MIS18BP1: variants seen among roughly 807,000 people sequenced by gnomAD.
The protein encoded by MIS18BP1 is MIS18 binding protein 1, also known as mis18-binding protein 1.
In MIS18BP1, 72 loss-of-function variants were observed where a neutral mutation model predicts 116.1. The ratio of observed to expected loss-of-function variants is 0.62; its 90% confidence interval spans 0.51 to 0.75. The LOEUF (loss-of-function observed/expected upper bound fraction) is 0.75, where lower values mean the gene tolerates loss of function less well. Ranked by LOEUF, MIS18BP1 falls within the 30% of genes least tolerant of loss-of-function variation. The probability of loss-of-function intolerance (pLI) is 0.00; values close to 1 mark genes in which losing one functional copy is unlikely to be tolerated. For missense variants in MIS18BP1, 1,363 were observed against 1,303.2 expected (o/e 1.05, Z -0.71); for synonymous variants, 386 against 427.0 (o/e 0.90, Z 1.18).
chr14:45,223,810 C>CT (rs571070164), intron 11 of MIS18BP1, 108 bp downstream of exon 11: 801 of 788,086 alleles, frequency 1.0e-3, no homozygotes, highest in Non-Finnish European at 1.2e-3. Context: ...TAATTTCTCC[C>CT]TTTTTTTTAA....
In MIS18BP1 at chr14:45,235,814, C is replaced by T; in HGVS notation, c.1348G>A (p.Gly450Arg). The change falls in exon 6 of 17, where the codon GGA (glycine) becomes AGA (arginine). Residue 450 changes from glycine to arginine, a missense_variant and splice_region_variant. Coordinates refer to ENST00000310806, the MANE Select transcript of MIS18BP1 (RefSeq NM_018353.5). ...MIDQISMKEA[G>R]YPNYLIRKFM... is the part of the protein sequence containing the mutation. ...CTTATCAATAATGACAGTCATTTACCTGCTTCTTTCATGGAAATTTGGTCT... is the reference window on the plus strand; with the variant it reads ...CTTATCAATAATGACAGTCATTTACTTGCTTCTTTCATGGAAATTTGGTCT... The T allele has an allele frequency of 6.3e-7, 1 of 1,593,528 alleles. No individual in the cohort carries two copies. Among genetic ancestry groups the T allele is most frequent in the Non-Finnish European group, 8.5e-7 (1 of 1,172,570 alleles).
chr14:45,252,526 C>CT (rs953405560), intron 1 of MIS18BP1, among the ~76,000 whole-genome samples: 8 of 152,162 alleles, frequency 5.3e-5, no homozygotes, highest in African/African-American at 1.9e-4. Context: ...TCTTGAACTC[C>CT]TGAGCTCAAA....
rs77328944 is a variant in MIS18BP1, at chr14:45,231,641, T to C, written c.1437-343A>G. 7.6e-3 allele frequency among the ~76,000 whole-genome samples: 1,152 copies of C among 152,370 alleles called. 12 individuals carry two copies. Among genetic ancestry groups the C allele is most frequent in the African/African-American group, 0.026 (1,075 of 41,594 alleles). Reference sequence around the variant, plus strand: ...GTTTATTAAAACACTGCCATGCTAATTCATGTATATATTATCTACGGCTGC... The same window carrying C: ...GTTTATTAAAACACTGCCATGCTAACTCATGTATATATTATCTACGGCTGC... On this transcript the variant is annotated intron_variant, in intron 7 of 16. Transcript: ENST00000310806.
rs1239057113 is a variant in MIS18BP1, at chr14:45,218,416, C to G, written c.2708G>C (p.Trp903Ser). The G allele has an allele frequency of 2.5e-6, 4 of 1,612,580 alleles. No homozygotes were observed. Among genetic ancestry groups the G allele is most frequent in the Non-Finnish European group, 3.4e-6 (4 of 1,179,692 alleles). ...ASLPKHKPGF[W>S]SEVAAAVGSR... ...ACCTACAGCCGCAGCTACCTCTGACCAGAAACCAGGTTTGTGCTTTGGAAG... is the reference window on the plus strand; with the variant it reads ...ACCTACAGCCGCAGCTACCTCTGACGAGAAACCAGGTTTGTGCTTTGGAAG... Residue 903 changes from tryptophan to serine, a missense_variant, in exon 12 of 17, where the codon TGG becomes TCG. Trp to Ser is a radical substitution (Grantham distance 177). Coordinates refer to ENST00000310806, the MANE Select transcript of MIS18BP1 (RefSeq NM_018353.5).
Position 45,221,461 on chromosome 14 carries a change from A to G in MIS18BP1, c.2669+2457T>C, listed in dbSNP as rs565802546. The stretch of plus-strand genomic sequence containing the variant: ...CAAAAATAAATAAATAAAATAAAAT[A>G]AAATAAAAGAATATTTTCTACTTTC... On this transcript the variant is annotated intron_variant, in intron 11 of 16. Coordinates refer to ENST00000310806, the MANE Select transcript of MIS18BP1 (RefSeq NM_018353.5). 5.3e-5 allele frequency among the ~76,000 whole-genome samples: 8 copies of G among 150,420 alleles called. No homozygotes were observed. In the South Asian group the frequency reaches 1.2e-3, roughly 23 times the overall value.
In MIS18BP1 at chr14:45,218,396, C is replaced by T. The variant is rs200009181; in HGVS notation, c.2728G>A (p.Val910Ile). 9.9e-6 allele frequency: 16 copies of T among 1,613,972 alleles called. No homozygotes were observed. Among genetic ancestry groups the T allele is most frequent in the Admixed American group, 1.7e-5 (1 of 59,952 alleles). ...CATTCTTCAGGAGATCGAGAACCTA[C>T]AGCCGCAGCTACCTCTGACCAGAAA... The part of the protein sequence containing the change: ...PGFWSEVAAA[V>I]GSRSPEECQR... The change falls in exon 12 of 17, where the codon GTA becomes ATA. Residue 910 changes from valine to isoleucine, a missense_variant. Physicochemically the swap from Val to Ile is conservative, Grantham distance 29. Transcript: ENST00000310806.
intron 13 of MIS18BP1, among the ~76,000 whole-genome samples, chr14:45,215,148 C>T (rs2139158497): frequency 6.6e-6 from 1 of 152,304 alleles, no homozygotes; most frequent in East Asian, 1.9e-4. Flanking sequence ...CCCTAGTGGA[C>T]CATAGCGTTT....
Position 45,242,334 on chromosome 14 carries a change from T to C in MIS18BP1, c.843A>G (p.Gln281=), listed in dbSNP as rs1184449940. ...ESVDSADEQF[Q]NTNAETLSTN... ...TACTGAGAGTCTCAGCATTAGTATT[T>C]TGAAATTGTTCATCAGCAGAATCAA... is the stretch of plus-strand genomic sequence containing the variant. Residue 281 remains glutamine (Q), a synonymous_variant, in exon 4 of 17, where the codon CAA becomes CAG. Coordinates refer to ENST00000310806, the MANE Select transcript of MIS18BP1 (RefSeq NM_018353.5). The C allele has an allele frequency of 6.2e-7, 1 of 1,613,932 alleles. No individual in the cohort carries two copies. Among genetic ancestry groups the C allele is most frequent in the Non-Finnish European group, 8.5e-7 (1 of 1,179,968 alleles).
At chr14:45,206,387 A>T in intron 14 of MIS18BP1, 1 of 425,318 alleles carries the variant, frequency 2.4e-6, no homozygotes, top group East Asian at 4.7e-5. Context: ...CCTGGGCTCA[A>T]GTGATCCTCC....
intron 8 of MIS18BP1, among the ~76,000 whole-genome samples, chr14:45,228,268 C>T (rs1395984872): frequency 9.2e-5 from 14 of 152,144 alleles, no homozygotes; most frequent in Admixed American, 9.2e-4. Context: ...CTGTATAGCG[C>T]TACGCTACAT....
intron 12 of MIS18BP1, 71 bp from the exon 13 acceptor site, chr14:45,217,250 C>A: frequency 6.6e-7 from 1 of 1,513,770 alleles, no homozygotes; most frequent in South Asian, 1.3e-5. Flanking sequence ...AGTTAACAAC[C>A]TTTGCAAAGT....
chr14:45,246,806 T>C lies in MIS18BP1; in HGVS notation c.481A>G (p.Thr161Ala). 9.4e-6 allele frequency: 15 copies of C among 1,592,552 alleles called. No individual in the cohort carries two copies. Among genetic ancestry groups the C allele is most frequent in the Non-Finnish European group, 1.2e-5 (14 of 1,174,672 alleles). Residue 161 changes from threonine to alanine, a missense_variant, in exon 2 of 17, where the codon ACC becomes GCC. Coordinates refer to ENST00000310806, the MANE Select transcript of MIS18BP1 (RefSeq NM_018353.5). ...NRVEKKKLQH[T>A]YLCEEKENNK... Reference sequence around the variant, plus strand: ...TTTTCCTTTTCTTCACATAGGTAGGTATGCTGCAATTTTTTTTTTTCAACT... The same window carrying C: ...TTTTCCTTTTCTTCACATAGGTAGGCATGCTGCAATTTTTTTTTTTCAACT...
At chr14:45,217,291 C>T (rs538259921) in intron 12 of MIS18BP1, 112 bp from the exon 13 acceptor site, 2 of 1,280,778 alleles carry the variant, frequency 1.6e-6, no homozygotes, top group Admixed American at 4.7e-5. Flanking sequence ...AAAAAAAAAC[C>T]AAAAAACTCA....
Position 45,218,463 on chromosome 14 carries a change from G to T in MIS18BP1, c.2670-9C>A. The T allele has an allele frequency of 1.3e-6, 2 of 1,580,984 alleles. No individual in the cohort carries two copies. On this transcript the variant is annotated splice_polypyrimidine_tract_variant and intron_variant, in intron 11 of 16. Transcript: ENST00000310806. The stretch of plus-strand genomic sequence containing the variant: ...GAAGAGATGCAAAAGCACTATGGAA[G>T]ATCAAAACCAATTAAAGAATAAGAA...
chr14:45,225,386 A>ATT (rs879808814), intron 10 of MIS18BP1, among the ~76,000 whole-genome samples: 6 of 148,360 alleles, frequency 4.0e-5, no homozygotes, highest in African/African-American at 1.5e-4. Flanking sequence ...GTATGGTTTG[A>ATT]TTTTTTTTTT....
Position 45,253,161 on chromosome 14 carries a change from G to T in MIS18BP1, c.-218C>A, listed in dbSNP as rs1035728808. The T allele has an allele frequency of 2.6e-5, 4 of 152,254 alleles. No homozygotes were observed. The highest frequency in any genetic ancestry group is 5.9e-5 in the Non-Finnish European group (4 of 68,078). 9.4% of individuals were successfully genotyped at this position (152,254 alleles called of 1,614,324 possible). A position where few individuals can be genotyped will look rare whatever the true frequency, so the allele number is the denominator to read the frequency against. On this transcript the variant is annotated 5_prime_UTR_variant, in exon 1 of 17. Transcript: ENST00000310806. ...TGTATCCTGCCCGCGGCGGCCAGGCGCCAAGCGACGCTTACCTCCTCCGCG... is the reference window on the plus strand; with the variant it reads ...TGTATCCTGCCCGCGGCGGCCAGGCTCCAAGCGACGCTTACCTCCTCCGCG...
At chr14:45,246,035 CG>C (rs1405339754) in intron 2 of MIS18BP1, among the ~76,000 whole-genome samples, 2 of 152,290 alleles carry the variant, frequency 1.3e-5, no homozygotes, top group East Asian at 3.9e-4. Flanking sequence ...AAGCCAACAC[CG>C]GCTGTCATCT....
At chr14:45,239,211 A>G (rs960544645) in intron 4 of MIS18BP1, among the ~76,000 whole-genome samples, 1 of 152,206 alleles carries the variant, frequency 6.6e-6, no homozygotes, top group African/African-American at 2.4e-5. Context: ...GAAAGTAAAC[A>G]GCTGCCCCTC....
rs528671188 is a variant in MIS18BP1 at position 45,217,249 on chromosome 14, C to G, written c.2843-70G>C. 18 of 1,521,120 alleles carry G rather than the reference C, an allele frequency of 1.2e-5. No homozygotes were observed. In the African/African-American group the frequency reaches 2.4e-4, roughly 20 times the overall value. 94.2% of individuals were successfully genotyped at this position (1,521,120 alleles called of 1,614,324 possible). A position where few individuals can be genotyped will look rare whatever the true frequency, so the allele number is the denominator to read the frequency against. On this transcript the variant is annotated intron_variant, in intron 12 of 16. Coordinates refer to ENST00000310806, the MANE Select transcript of MIS18BP1 (RefSeq NM_018353.5). The stretch of plus-strand genomic sequence containing the variant: ...AGTAACTGCTCTATAAAGTTAACAA[C>G]CTTTGCAAAGTCTAAATTGTGCATT...
Sources: allele counts gnomAD v4.1 joint callset (sites outside exome capture counted in the v4.1 genomes callset), GRCh38; gene constraint gnomAD v4.1.1; transcripts MANE v1.5; gene names NCBI Gene and HGNC (gene_info 2026-07-23, HGNC 2026-07-21).